Variants in ATRNL1 observed in about 807,000 individuals in gnomAD.
ATRNL1 encodes the protein attractin like 1, also known as attractin-like protein 1.
Under a neutral mutation model 182.7 loss-of-function variants are expected in ATRNL1, and 95 were observed. That is an observed-to-expected ratio of 0.52 (90% CI 0.44 to 0.62). The LOEUF (loss-of-function observed/expected upper bound fraction) is 0.62, where lower values mean the gene tolerates loss of function less well. Ranked by LOEUF, ATRNL1 falls within the 20% of genes least tolerant of loss-of-function variation. The pLI is 0.00. For missense variants in ATRNL1, 1,471 were observed against 1,679.5 expected (o/e 0.88, Z 2.17); for synonymous variants, 576 against 568.3 (o/e 1.01, Z -0.19).
chr10:115,299,055 A>G (rs1430969813), intron 15 of ATRNL1, among the ~76,000 whole-genome samples: 1 of 151,788 alleles, frequency 6.6e-6, no homozygotes, highest in African/African-American at 2.4e-5. Flanking sequence ...GTGGAGAAAC[A>G]TTTTTCTCTA....
chr10:115,261,923 T>C (rs572768944), intron 10 of ATRNL1, among the ~76,000 whole-genome samples: 2 of 152,156 alleles, frequency 1.3e-5, no homozygotes, highest in African/African-American at 4.8e-5. Context: ...AACAAAATTA[T>C]AATATAAATG....
At chr10:115,391,334 A>G (rs671278) in intron 19 of ATRNL1, among the ~76,000 whole-genome samples, 57,826 of 151,712 alleles carry the variant, frequency 0.38, 12,188 homozygotes, top group African/African-American at 0.57. Context: ...GGAATATATG[A>G]CCTTTATTGT....
intron 13 of ATRNL1, among the ~76,000 whole-genome samples, chr10:115,271,525 C>T (rs1245317756): frequency 1.3e-5 from 2 of 151,888 alleles, no homozygotes; most frequent in African/African-American, 4.8e-5. Context: ...TGGATATATA[C>T]CCAAAGGATT....
At chr10:115,140,348 A>G (rs971733104) in intron 5 of ATRNL1, among the ~76,000 whole-genome samples, 1 of 152,342 alleles carries the variant, frequency 6.6e-6, no homozygotes, top group Admixed American at 6.5e-5. Context: ...CAAATAAAAA[A>G]TTCAAATAAT....
At position 115,676,586 on chromosome 10, in the gene ATRNL1, A is replaced by G. The variant is rs891043740; in HGVS notation, c.3796-50662A>G. On this transcript the variant is annotated intron_variant, in intron 26 of 28. Coordinates refer to ENST00000355044, the MANE Select transcript of ATRNL1 (RefSeq NM_207303.4). ...TATCTACAACTGTATCTGTATATGT[A>G]TATATATATATATTTATGATTCAGT... Among the ~76,000 whole-genome samples the G allele has an allele frequency of 1.9e-4, 28 of 146,392 alleles. 1 individual carries two copies. The highest frequency in any genetic ancestry group is 1.2e-3 in the Admixed American group (18 of 14,956).
intron 19 of ATRNL1, among the ~76,000 whole-genome samples, chr10:115,376,485 G>A (rs1354851583): frequency 6.6e-6 from 1 of 151,564 alleles, no homozygotes; most frequent in African/African-American, 2.4e-5. Flanking sequence ...TATGGGGTCT[G>A]GTAGCTAGGA....
chr10:115,824,448 A>G (rs1349103799), intron 27 of ATRNL1, among the ~76,000 whole-genome samples: 1 of 152,202 alleles, frequency 6.6e-6, no homozygotes, highest in Non-Finnish European at 1.5e-5. Flanking sequence ...TAAACTAAAG[A>G]GTTTCTGCAC....
intron 22 of ATRNL1, 72 bp downstream of exon 22, chr10:115,462,107 TA>T: frequency 9.2e-7 from 1 of 1,084,618 alleles, no homozygotes; most frequent in Non-Finnish European, 1.3e-6. Flanking sequence ...CATTTGATTT[TA>T]CCTCTTCTCA....
intron 24 of ATRNL1, among the ~76,000 whole-genome samples, chr10:115,488,682 G>C (rs1849149011): frequency 6.6e-6 from 1 of 152,046 alleles, no homozygotes; most frequent in Non-Finnish European, 1.5e-5. Flanking sequence ...CCAGCTCCTG[G>C]ATTCATGGAT....
At chr10:115,288,120 A>G (rs147780024) in intron 15 of ATRNL1, among the ~76,000 whole-genome samples, 198 of 151,402 alleles carry the variant, frequency 1.3e-3, no homozygotes, top group African/African-American at 4.4e-3. Context: ...TTGTTTATCT[A>G]TTTTTTTCTT....
intron 24 of ATRNL1, among the ~76,000 whole-genome samples, chr10:115,495,979 A>G (rs191675633): frequency 6.6e-6 from 1 of 152,222 alleles, no homozygotes; most frequent in East Asian, 1.9e-4. Context: ...GTCTCTAAGA[A>G]CTTGTTTTAT....
chr10:115,094,117 G>GGCCTCCCCCGCCCCCGTCGCT, intron 1 of ATRNL1, 74 bp downstream of exon 1: 4 of 1,272,092 alleles, frequency 3.1e-6, no homozygotes, highest in South Asian at 4.5e-5. Flanking sequence ...CCCCCCTCGC[G>GGCCTCCCCCGCCCCCGTCGCT]GCCTCCCCCG....
At chr10:115,545,633 G>A (rs942743458) in intron 25 of ATRNL1, among the ~76,000 whole-genome samples, 39 of 152,294 alleles carry the variant, frequency 2.6e-4, no homozygotes, top group African/African-American at 8.7e-4. Flanking sequence ...AATTCAACTA[G>A]TATTCCCGTC....
chr10:115,740,153 A>G (rs1022204194), intron 27 of ATRNL1, among the ~76,000 whole-genome samples: 26 of 152,192 alleles, frequency 1.7e-4, no homozygotes, highest in Admixed American at 3.3e-4. Flanking sequence ...ACTTCCTTAG[A>G]AAATAAAATA....
intron 27 of ATRNL1, among the ~76,000 whole-genome samples, chr10:115,828,265 C>T (rs1193311332): frequency 6.6e-6 from 1 of 151,496 alleles, no homozygotes; most frequent in Non-Finnish European, 1.5e-5. Context: ...TGCGGTGAGC[C>T]GAAATCACAC....
chr10:115,198,985 G>A (rs189145067), intron 8 of ATRNL1, among the ~76,000 whole-genome samples: 21 of 152,038 alleles, frequency 1.4e-4, no homozygotes, highest in African/African-American at 5.1e-4. Context: ...TAGCTCTTTG[G>A]GGCTTTTTGT....
intron 8 of ATRNL1, among the ~76,000 whole-genome samples, chr10:115,213,018 A>G (rs537138736): frequency 3.0e-4 from 45 of 152,256 alleles, no homozygotes; most frequent in African/African-American, 1.0e-3. Flanking sequence ...AAATAGTTAT[A>G]GTTACATGTT....
intron 19 of ATRNL1, among the ~76,000 whole-genome samples, chr10:115,366,659 G>A (rs1433287474): frequency 1.3e-4 from 19 of 151,220 alleles, no homozygotes; most frequent in Admixed American, 5.3e-4. Context: ...GCTGGTACCG[G>A]TTGTTCCTTT....
chr10:115,563,087 G>T (rs1555000266), intron 26 of ATRNL1, among the ~76,000 whole-genome samples: 3 of 152,112 alleles, frequency 2.0e-5, no homozygotes, highest in African/African-American at 7.2e-5. Context: ...CTGAGGCTGG[G>T]TGATTTATAA....
Sources: gnomAD v4.1 joint callset for allele counts (sites outside exome capture counted in the v4.1 genomes callset) on GRCh38, gnomAD v4.1.1 for gene constraint, MANE v1.5 for transcripts, NCBI Gene and HGNC (gene_info 2026-07-23, HGNC 2026-07-21) for gene names.